The following MTR variants were observed in gnomAD, a reference collection of about 807,000 sequenced individuals.
MTR encodes the protein 5-methyltetrahydrofolate-homocysteine methyltransferase.
A neutral mutation model predicts 154.8 loss-of-function variants in MTR; 84 were observed. The ratio of observed to expected loss-of-function variants is 0.54; its 90% CI spans 0.45 to 0.65. The LOEUF (loss-of-function observed/expected upper bound fraction) is 0.65. Among genes scored for constraint, MTR ranks in the 30% least tolerant of loss-of-function variants. MTR has a pLI of 0.00. For missense variants in MTR, 1,275 were observed against 1,570.2 expected, an observed-to-expected ratio of 0.81 and a Z score of 3.18; for synonymous variants, 554 against 553.9, an observed-to-expected ratio of 1.00 and a Z score of 0.00.
rs1001766669 is a variant in MTR, at chr1:236,881,570, G to C, written c.2676+734G>C. On this transcript the variant is annotated intron_variant, in intron 25 of 32. Coordinates refer to ENST00000366577, the MANE Select transcript of MTR (RefSeq NM_000254.3). ...ATCCCGCTCCTAGTGTCCATCAAAAGAGCACAGTTTGAGAACCACAGATTT... is the reference window on the plus strand; with the variant it reads ...ATCCCGCTCCTAGTGTCCATCAAAACAGCACAGTTTGAGAACCACAGATTT... Among the ~76,000 whole-genome samples, 6 of 151,990 alleles carry C rather than the reference G, an allele frequency of 3.9e-5. No individual in the cohort carries two copies. In the East Asian group the frequency reaches 1.2e-3, roughly 30 times the overall value.
chr1:236,868,993 C>G (rs1664971365), intron 22 of MTR, among the ~76,000 whole-genome samples: 1 of 152,182 alleles, frequency 6.6e-6, no homozygotes. Context: ...CCCACTGGCA[C>G]TACTTAAGTA....
In MTR at chr1:236,889,233, G is replaced by A; in HGVS notation, c.2904G>A (p.Lys968=). 2 of 1,614,238 alleles carry A rather than the reference G, an allele frequency of 1.2e-6. No individual in the cohort carries two copies. The highest frequency in any genetic ancestry group is 1.3e-5 in the African/African-American group (1 of 75,058). Residue 968 remains lysine (K), a synonymous_variant, in exon 28 of 33, where the codon AAG becomes AAA. Coordinates refer to ENST00000366577, the MANE Select transcript of MTR (RefSeq NM_000254.3). ...TQVFEDYDLQ[K]LVDYIDWKPF... ...TCTTTGAAGACTATGACCTGCAGAA[G>A]CTGGTGGACTACATTGACTGGAAGC... is the stretch of plus-strand genomic sequence containing the variant.
chr1:236,795,310 A>G lies in MTR; in HGVS notation c.-394A>G. 2.4e-6 allele frequency: 3 copies of G among 1,232,058 alleles called. No homozygotes were observed. The South Asian group carries it at 4.3e-5, about 18-fold the overall frequency. The allele number at this position is 1,232,058 out of a possible 1,614,324, so 76.3% of individuals were successfully genotyped here. A position where few individuals can be genotyped will look rare whatever the true frequency, so the allele number is the denominator to read the frequency against. On this transcript the variant is annotated 5_prime_UTR_variant, in exon 1 of 33. Coordinates refer to ENST00000366577, the MANE Select transcript of MTR (RefSeq NM_000254.3). ...TGAGCGCAGAACTAACCGCGCTCTG[A>G]AAGGTTCTAAATGTCTGCGGGGCTC...
chr1:236,802,161 G>A (rs1359541940), intron 1 of MTR, among the ~76,000 whole-genome samples: 2 of 152,166 alleles, frequency 1.3e-5, no homozygotes, highest in African/African-American at 2.4e-5. Flanking sequence ...GGGAGAATAA[G>A]GAGTCAGATA....
At chr1:236,803,832 G>T (rs1660826605) in intron 2 of MTR, among the ~76,000 whole-genome samples, 190 bp downstream of exon 2, 1 of 152,226 alleles carries the variant, frequency 6.6e-6, no homozygotes, top group African/African-American at 2.4e-5. Flanking sequence ...AGGGAATGAG[G>T]TAGGTAGGTT....
At chr1:236,884,884 G>A (rs754920921) in intron 25 of MTR, among the ~76,000 whole-genome samples, 5 of 152,168 alleles carry the variant, frequency 3.3e-5, no homozygotes, top group Non-Finnish European at 7.3e-5. Flanking sequence ...AGGGTTTAGA[G>A]TTTGTCTCCC....
rs1007956978 is a variant in MTR at position 236,903,198 on chromosome 1, A to T, written c.*5554A>T. The T allele has an allele frequency of 2.0e-5, 3 of 152,228 alleles. No homozygotes were observed. Among genetic ancestry groups the T allele is most frequent in the African/African-American group, 7.2e-5 (3 of 41,464 alleles). 9.4% of individuals were successfully genotyped at this position (152,228 alleles called of 1,614,324 possible). The stretch of plus-strand genomic sequence containing the variant: ...TAAGTGGTTACCTCCACGGAATGGG[A>T]TTAGGGGATCAGAGGTGAGGGAACT... On this transcript the variant is annotated 3_prime_UTR_variant, in exon 33 of 33. Coordinates refer to ENST00000366577, the MANE Select transcript of MTR (RefSeq NM_000254.3).
Position 236,895,528 on chromosome 1 carries a change from C to T in MTR, c.3576C>T (p.Leu1192=), listed in dbSNP as rs1131449. The part of the protein sequence containing the change: ...DHTEKLTMWR[L]ADIEQSTGIR... ...CCGAGAAGCTCACCATGTGGAGACT[C>T]GCAGACATCGAGCAGTCTACAGGTA... Residue 1192 remains leucine (L), a synonymous_variant, in exon 31 of 33, where the codon CTC becomes CTT. Coordinates refer to ENST00000366577, the MANE Select transcript of MTR (RefSeq NM_000254.3). 0.58 allele frequency: 911,333 copies of T among 1,580,542 alleles called. 264,432 individuals carry two copies. The highest frequency in any genetic ancestry group is 0.62 in the South Asian group (53,412 of 86,412).
At chr1:236,852,256 C>CGTGT (rs3856242) in intron 16 of MTR, among the ~76,000 whole-genome samples, 130 of 150,448 alleles carry the variant, frequency 8.6e-4, no homozygotes, top group Middle Eastern at 6.9e-3. Context: ...TGTCTTTCTG[C>CGTGT]GTGTGTGTGT....
chr1:236,893,056 G>A (rs1256105454), intron 29 of MTR, among the ~76,000 whole-genome samples: 1 of 152,156 alleles, frequency 6.6e-6, no homozygotes. Flanking sequence ...ATTACTCTGG[G>A]AGTCTGCTCT....
chr1:236,812,865 C>G (rs1183782956), intron 6 of MTR, 21 bp downstream of exon 6: 1 of 1,597,060 alleles, frequency 6.3e-7, no homozygotes, highest in Non-Finnish European at 8.6e-7. Flanking sequence ...GGAGAAAAAA[C>G]AGACAAGGCT....
Position 236,838,619 on chromosome 1 carries a change from C to A in MTR, c.1515+20C>A. The A allele has an allele frequency of 1.2e-6, 2 of 1,613,598 alleles. No homozygotes were observed. The highest frequency in any genetic ancestry group is 1.7e-5 in the Admixed American group (1 of 59,984). On this transcript the variant is annotated intron_variant, in intron 15 of 32. Coordinates refer to ENST00000366577, the MANE Select transcript of MTR (RefSeq NM_000254.3). The stretch of plus-strand genomic sequence containing the variant: ...GGACAGGTGAGTGGTTTCTTTTGGC[C>A]TAATCCATTGTGTTTCCCAGGTTAG...
Position 236,889,327 on chromosome 1 carries a change from A to C in MTR, c.2998A>C (p.Lys1000Gln), listed in dbSNP as rs752265784. ...AGGCTTTCCCAAGATATTTAACGAC[A>C]AAACAGTAGGTTAGTGCAGTAAGTC... ...NRGFPKIFND[K>Q]TVGGEARKVY... The change falls in exon 28 of 33, where the codon AAA (lysine) becomes CAA (glutamine). Residue 1000 changes from lysine (K) to glutamine (Q), a missense_variant. Physicochemically the swap from Lys to Gln is moderately conservative, Grantham distance 53. Transcript: ENST00000366577. 5 of 1,614,228 alleles carry C rather than the reference A, an allele frequency of 3.1e-6. No homozygotes were observed. In the South Asian group the frequency reaches 5.5e-5, roughly 18 times the overall value.
chr1:236,860,219 A>G (rs1664456750), intron 19 of MTR, among the ~76,000 whole-genome samples: 1 of 151,968 alleles, frequency 6.6e-6, no homozygotes, highest in Non-Finnish European at 1.5e-5. Context: ...GCCCCAAACC[A>G]CAAAGAATAT....
chr1:236,814,124 C>T (rs1007059441), intron 6 of MTR, among the ~76,000 whole-genome samples: 1 of 152,122 alleles, frequency 6.6e-6, no homozygotes, highest in Non-Finnish European at 1.5e-5. Context: ...GCAGGAAGAA[C>T]GTAGAGAGCC....
At position 236,795,769 on chromosome 1, in the gene MTR, TTG is replaced by T. The variant is rs760310547; in HGVS notation, c.34+36_34+37del. 15 of 1,613,990 alleles carry T rather than the reference TTG, an allele frequency of 9.3e-6. No individual in the cohort carries two copies. In the East Asian group the frequency reaches 2.0e-4, roughly 22 times the overall value. ...CTGCGACCCCGTCTGCGTGGTTGGG[TTG>T]TGTTTCTTAACTCGTGCTGTGGCCT... On this transcript the variant is annotated intron_variant, in intron 1 of 32. Transcript: ENST00000366577.
At chr1:236,897,460 A>G in intron 32 of MTR, 98 bp from the exon 33 acceptor site, 1 of 1,144,092 alleles carries the variant, frequency 8.7e-7, no homozygotes, top group South Asian at 1.2e-5. Context: ...AAGACAAGAA[A>G]TGCAAGGTAC....
intron 2 of MTR, among the ~76,000 whole-genome samples, chr1:236,804,378 G>A (rs116929180): frequency 2.6e-5 from 4 of 152,092 alleles, no homozygotes; most frequent in Non-Finnish European, 5.9e-5. Context: ...GAAAGCTGGC[G>A]CTCACCCATT....
intron 14 of MTR, among the ~76,000 whole-genome samples, chr1:236,837,990 G>T (rs1163743848): frequency 6.6e-6 from 1 of 152,024 alleles, no homozygotes; most frequent in Non-Finnish European, 1.5e-5. Flanking sequence ...TTTCTAAAGG[G>T]AAGGTTGAAT....
Sources: allele counts gnomAD v4.1 joint callset (sites outside exome capture counted in the v4.1 genomes callset), GRCh38; gene constraint gnomAD v4.1.1; transcripts MANE v1.5; gene names NCBI Gene and HGNC (gene_info 2026-07-23, HGNC 2026-07-21).